Variants in RAB33A observed in about 807,000 individuals in gnomAD.
RAB33A encodes the protein ras-related protein Rab-33A.
A neutral mutation model predicts 12.0 loss-of-function variants in RAB33A; 6 were observed. That is an observed-to-expected ratio of 0.50 (90% confidence interval 0.27 to 0.99). RAB33A has a LOEUF of 0.99. Ranked by LOEUF, RAB33A falls within the 50% of genes least tolerant of loss-of-function variation. RAB33A has a pLI of 0.11. For missense variants in RAB33A, 109 were observed against 192.0 expected, an observed-to-expected ratio of 0.57 and a Z score of 2.55; for synonymous variants, 70 against 82.4, an observed-to-expected ratio of 0.85 and a Z score of 0.81.
At chrX:130,121,252 CTTTTTTTT>C in the RAB33A span, among the ~76,000 whole-genome samples, 13 of 94,762 alleles carry the variant, frequency 1.4e-4, no homozygotes, top group African/African-American at 3.2e-4. Context: ...CTTTTCTTTT[CTTTTTTTT>C]TTTTTTTTTG....
the RAB33A span, among the ~76,000 whole-genome samples, chrX:130,121,242 CTTTTCTTTTCTTTTTTTTTT>C: frequency 2.8e-5 from 3 of 106,490 alleles, no homozygotes; most frequent in Non-Finnish European, 5.8e-5. Context: ...TCTTTTTTTT[CTTTTCTTTTCTTTTTTTTTT>C]TTTTTTTGGC....
the RAB33A span, chrX:130,145,426 GGCT>G: frequency 1.6e-5 from 15 of 924,056 alleles, no homozygotes; most frequent in Non-Finnish European, 2.2e-5. Flanking sequence ...TCACCATACT[GGCT>G]GGTGGGCAAG....
the RAB33A span, among the ~76,000 whole-genome samples, chrX:130,139,028 C>T: frequency 9.0e-6 from 1 of 111,163 alleles, no homozygotes; most frequent in Non-Finnish European, 1.9e-5. Context: ...TAACATACTA[C>T]AATGGCATAA....
At position 130,172,406 on chromosome X, in the gene RAB33A, G is replaced by C. The variant is rs1458848506; in HGVS notation, c.258+86G>C. On this transcript the variant is annotated intron_variant, in intron 1 of 1. Transcript: ENST00000257017. ...TAGCTCTAGCGGTTGTCGTCGTCCA[G>C]CGTCCAGCGCGTGGCGGTTTCGCCT... 12 of 1,086,852 alleles carry C rather than the reference G, an allele frequency of 1.1e-5. No homozygotes were observed. The Admixed American group carries it at 3.7e-4, about 34-fold the overall frequency. 89.6% of individuals were successfully genotyped at this position (1,086,852 alleles called of 1,213,427 possible). A position where few individuals can be genotyped will look rare whatever the true frequency, so the allele number is the denominator to read the frequency against.
chrX:130,121,878 G>A, the RAB33A span, among the ~76,000 whole-genome samples: 1 of 112,473 alleles, frequency 8.9e-6, no homozygotes, highest in Non-Finnish European at 1.9e-5. Context: ...CCTGGAAGCT[G>A]GTGGCTCTTC....
At chrX:130,176,873 TCTC>T (rs1210093895) in intron 1 of RAB33A, among the ~76,000 whole-genome samples, 1 of 111,688 alleles carries the variant, frequency 9.0e-6, no homozygotes, top group Non-Finnish European at 1.9e-5. Context: ...GATGTATTTG[TCTC>T]CTTTTTTTGC....
At chrX:130,179,934 A>G (rs7053846) in intron 1 of RAB33A, among the ~76,000 whole-genome samples, 1,402 of 108,452 alleles carry the variant, frequency 0.013, 20 homozygotes, top group African/African-American at 0.045. Context: ...TCAAAATGGT[A>G]TGATGCAGAC....
At chrX:130,149,811 A>G in the RAB33A span, among the ~76,000 whole-genome samples, 58,338 of 110,708 alleles carry the variant, frequency 0.53, 12,505 homozygotes, top group African/African-American at 0.81. Flanking sequence ...TAGGCTCTCT[A>G]TAAAGAATTC....
the RAB33A span, among the ~76,000 whole-genome samples, chrX:130,162,566 A>G: frequency 1.8e-5 from 2 of 112,210 alleles, no homozygotes; most frequent in Non-Finnish European, 3.8e-5. Flanking sequence ...GCTGCCAAAG[A>G]ATTTCTTCTG....
chrX:130,127,720 T>C, the RAB33A span, among the ~76,000 whole-genome samples: 40,226 of 88,158 alleles, frequency 0.46, 10,108 homozygotes, highest in African/African-American at 0.75. Context: ...GATGGAATAT[T>C]GCTGTGTTGC....
the RAB33A span, chrX:130,129,213 C>A: frequency 3.6e-6 from 1 of 278,800 alleles, no homozygotes; most frequent in East Asian, 8.7e-5. Context: ...GAGGGAAGTT[C>A]GGAAATGAAA....
chrX:130,133,256 T>A, the RAB33A span: 7 of 1,193,985 alleles, frequency 5.9e-6, no homozygotes, highest in South Asian at 1.8e-5. Context: ...CTCTGTGTTA[T>A]GGTCCTAGAG....
the RAB33A span, among the ~76,000 whole-genome samples, chrX:130,162,878 T>C: frequency 4.5e-5 from 5 of 111,954 alleles, no homozygotes; most frequent in Non-Finnish European, 9.4e-5. Context: ...AATGCAGACA[T>C]AGAGTGATGA....
chrX:130,169,137 G>A (rs375590177), upstream of RAB33A, among the ~76,000 whole-genome samples: 8 of 107,808 alleles, frequency 7.4e-5, no homozygotes, highest in East Asian at 1.2e-3. Flanking sequence ...GAACCTGGGA[G>A]GCGGAGCTTG....
At chrX:130,116,042 C>G in the RAB33A span, among the ~76,000 whole-genome samples, 1 of 109,181 alleles carries the variant, frequency 9.2e-6, no homozygotes, top group Non-Finnish European at 1.9e-5. Context: ...AACAGAATTC[C>G]TTTCTTCAAG....
chrX:130,117,011 A>T, the RAB33A span, among the ~76,000 whole-genome samples: 1 of 112,094 alleles, frequency 8.9e-6, no homozygotes, highest in Non-Finnish European at 1.9e-5. Context: ...CAGGAGATCG[A>T]GACCATCCTG....
chrX:130,160,408 T>C, the RAB33A span, among the ~76,000 whole-genome samples: 1 of 112,046 alleles, frequency 8.9e-6, no homozygotes, highest in East Asian at 2.8e-4. Flanking sequence ...AGACCACACA[T>C]ACAATGCAAT....
chrX:130,165,267 G>A, the RAB33A span, among the ~76,000 whole-genome samples: 1 of 108,616 alleles, frequency 9.2e-6, no homozygotes, highest in African/African-American at 3.3e-5. Flanking sequence ...GGGGATGCCG[G>A]GGAGGCGCCG....
chrX:130,145,185 A>G, the RAB33A span, among the ~76,000 whole-genome samples: 1 of 112,091 alleles, frequency 8.9e-6, no homozygotes, highest in Non-Finnish European at 1.9e-5. Flanking sequence ...CTCATCGATA[A>G]TCCCAGAGAG....
Sources: gnomAD v4.1 joint callset for allele counts (sites outside exome capture counted in the v4.1 genomes callset) on GRCh38, gnomAD v4.1.1 for gene constraint, MANE v1.5 for transcripts, NCBI Gene and HGNC (gene_info 2026-07-23, HGNC 2026-07-21) for gene names.